DACH1: variants seen among roughly 807,000 people sequenced by gnomAD.
The protein encoded by DACH1 is dachshund family transcription factor 1.
Under a neutral mutation model 54.2 loss-of-function variants are expected in DACH1, and 12 were observed. That is an observed-to-expected ratio of 0.22 (90% CI 0.14 to 0.36). DACH1 has a LOEUF of 0.36. DACH1 is among the 10% of genes least tolerant of loss of function. DACH1 has a pLI of 1.00. For synonymous variants in DACH1, 386 were observed against 366.2 expected, an observed-to-expected ratio of 1.05 and a Z score of -0.62; for missense variants, 805 against 929.8, an observed-to-expected ratio of 0.87 and a Z score of 1.75.
chr13:71,698,822 A>T (rs912069227), intron 1 of DACH1, among the ~76,000 whole-genome samples: 2 of 152,156 alleles, frequency 1.3e-5, no homozygotes, highest in African/African-American at 2.4e-5. Flanking sequence ...AATTCTTTAA[A>T]TATCTGGCAG....
intron 2 of DACH1, among the ~76,000 whole-genome samples, chr13:71,656,025 T>C (rs1049614418): frequency 2.6e-5 from 4 of 152,254 alleles, no homozygotes; most frequent in Admixed American, 6.5e-5. Flanking sequence ...TTGCGTGACA[T>C]ACTTCAAAGG....
intron 4 of DACH1, among the ~76,000 whole-genome samples, chr13:71,560,246 CAAAT>C (rs1566341858): frequency 6.6e-6 from 1 of 151,974 alleles, no homozygotes; most frequent in Non-Finnish European, 1.5e-5. Context: ...CAAAAATAAA[CAAAT>C]AAGAACCCAT....
chr13:71,479,055 T>C (rs2138181779), intron 8 of DACH1, 114 bp downstream of exon 8: 3 of 963,724 alleles, frequency 3.1e-6, no homozygotes, highest in South Asian at 2.1e-5. Flanking sequence ...CTCTGAACTT[T>C]AGCTACCGTT....
intron 7 of DACH1, among the ~76,000 whole-genome samples, chr13:71,483,571 A>G (rs1878242796): frequency 6.8e-6 from 1 of 147,744 alleles, no homozygotes; most frequent in Non-Finnish European, 1.5e-5. Flanking sequence ...ATTATAATTA[A>G]AATTATATAT....
intron 1 of DACH1, chr13:71,704,266 C>A: frequency 3.9e-6 from 1 of 257,234 alleles, no homozygotes; most frequent in Admixed American, 4.2e-5. Flanking sequence ...CCTTTGGCCA[C>A]GAATATGCAA....
intron 10 of DACH1, among the ~76,000 whole-genome samples, chr13:71,443,592 A>G (rs1593701405): frequency 1.3e-5 from 2 of 152,298 alleles, no homozygotes; most frequent in East Asian, 3.9e-4. Context: ...ATAAAATATA[A>G]CCTAAGATTA....
At position 71,866,275 on chromosome 13, in the gene DACH1, G is replaced by T. The variant is rs192722236; in HGVS notation, c.495C>A (p.Gly165=). ...SSSSSSSSSC[G]PLPGKPVYST... ...AGTACACGGGTTTCCCGGGGAGGGGGCCGCAGCTGCTGCTGCTACTGCTGC... is the reference window on the plus strand; with the variant it reads ...AGTACACGGGTTTCCCGGGGAGGGGTCCGCAGCTGCTGCTGCTACTGCTGC... The change falls in exon 1 of 11, where the codon GGC becomes GGA. Residue 165 remains glycine (G), a synonymous_variant. Transcript: ENST00000613252. The T allele has an allele frequency of 7.8e-4, 1,238 of 1,588,588 alleles. 14 individuals carry two copies. The African/African-American group carries it at 0.015, about 20-fold the overall frequency.
chr13:71,531,376 TATAA>T (rs67755918), intron 6 of DACH1, among the ~76,000 whole-genome samples: 65,826 of 151,398 alleles, frequency 0.43, 17,615 homozygotes, highest in Non-Finnish European at 0.59. Context: ...TTCATAACTT[TATAA>T]ATAAAGAAGA....
chr13:71,500,000 T>C (rs748810654), intron 6 of DACH1, among the ~76,000 whole-genome samples: 10 of 151,572 alleles, frequency 6.6e-5, no homozygotes, highest in Non-Finnish European at 1.0e-4. Flanking sequence ...AGTTAATGAT[T>C]AAAAAAAATT....
chr13:71,591,982 C>T (rs1307067425), intron 3 of DACH1, among the ~76,000 whole-genome samples: 1 of 152,028 alleles, frequency 6.6e-6, no homozygotes, highest in African/African-American at 2.4e-5. Flanking sequence ...TTAATTTTAC[C>T]TCACAGGGAA....
At chr13:71,702,679 AG>A (rs1315153238) in intron 1 of DACH1, among the ~76,000 whole-genome samples, 1 of 152,194 alleles carries the variant, frequency 6.6e-6, no homozygotes, top group Non-Finnish European at 1.5e-5. Flanking sequence ...TAATTATCTT[AG>A]GAAAAGGTGG....
intron 5 of DACH1, among the ~76,000 whole-genome samples, chr13:71,558,073 G>A (rs182700887): frequency 1.3e-5 from 2 of 151,882 alleles, no homozygotes; most frequent in Admixed American, 1.3e-4. Context: ...TTATTTTCCT[G>A]ATTTTGATCA....
At chr13:71,611,371 G>A (rs867444944) in intron 3 of DACH1, among the ~76,000 whole-genome samples, 3 of 152,088 alleles carry the variant, frequency 2.0e-5, no homozygotes, top group African/African-American at 7.2e-5. Context: ...CTAATGAATC[G>A]TCCATGGACT....
intron 4 of DACH1, among the ~76,000 whole-genome samples, chr13:71,567,136 T>A (rs1268214966): frequency 1.3e-5 from 2 of 151,728 alleles, no homozygotes; most frequent in African/African-American, 2.4e-5. Flanking sequence ...AGTCTCTCTC[T>A]CACACACACA....
intron 6 of DACH1, among the ~76,000 whole-genome samples, chr13:71,493,769 G>A (rs1879183267): frequency 1.3e-5 from 2 of 151,874 alleles, no homozygotes; most frequent in South Asian, 2.1e-4. Flanking sequence ...AATTATTTAA[G>A]TGGGCTTCTC....
intron 2 of DACH1, among the ~76,000 whole-genome samples, chr13:71,645,757 C>A (rs2138609250): frequency 6.6e-6 from 1 of 152,280 alleles, no homozygotes; most frequent in Admixed American, 6.5e-5. Context: ...AGTAATGTAG[C>A]AAATACTTAG....
intron 2 of DACH1, among the ~76,000 whole-genome samples, chr13:71,641,207 C>T (rs75551028): frequency 6.6e-6 from 1 of 151,950 alleles, no homozygotes; most frequent in South Asian, 2.1e-4. Context: ...AAGACTCATG[C>T]AAGAAATTTA....
At chr13:71,700,218 G>C (rs1381671199) in intron 1 of DACH1, among the ~76,000 whole-genome samples, 1 of 152,006 alleles carries the variant, frequency 6.6e-6, no homozygotes, top group Non-Finnish European at 1.5e-5. Context: ...AAAAGGCAAA[G>C]AAAAAAATTG....
Position 71,866,881 on chromosome 13 carries a change from A to C in DACH1, c.-112T>G. On this transcript the variant is annotated 5_prime_UTR_variant, in exon 1 of 11. Transcript: ENST00000613252. ...GAGAAGGAGCGAGGGGGGCAACAAC[A>C]ACTCCGGGAGAGAACGAGAAGGAGA... The C allele has an allele frequency of 2.5e-6, 2 of 791,868 alleles. No homozygotes were observed. Among genetic ancestry groups the C allele is most frequent in the East Asian group, 4.1e-5 (1 of 24,286 alleles). 49.1% of individuals were successfully genotyped at this position (791,868 alleles called of 1,614,324 possible). A position where few individuals can be genotyped will look rare whatever the true frequency, so the allele number is the denominator to read the frequency against.
Sources: gnomAD v4.1 joint callset for allele counts (sites outside exome capture counted in the v4.1 genomes callset) on GRCh38, gnomAD v4.1.1 for gene constraint, MANE v1.5 for transcripts, NCBI Gene and HGNC (gene_info 2026-07-23, HGNC 2026-07-21) for gene names.